The following C1orf87 variants were observed in gnomAD, a reference collection of about 807,000 sequenced individuals.
C1orf87 encodes the protein chromosome 1 open reading frame 87.
Under a neutral mutation model 60.5 loss-of-function variants are expected in C1orf87, and 58 were observed. The ratio of observed to expected loss-of-function variants is 0.96; its 90% CI spans 0.78 to 1.19. C1orf87 has a LOEUF of 1.19. C1orf87 is among the 50% of genes most tolerant of loss of function. The pLI is 0.00. For missense variants in C1orf87, 673 were observed against 638.6 expected (o/e 1.05, Z -0.58); for synonymous variants, 236 against 227.4 (o/e 1.04, Z -0.34).
intron 2 of C1orf87, among the ~76,000 whole-genome samples, chr1:60,057,541 A>G (rs1322535818): frequency 6.6e-6 from 1 of 152,174 alleles, no homozygotes; most frequent in Admixed American, 6.5e-5. Context: ...AGGAGAGGAT[A>G]TCATTGATGA....
intron 7 of C1orf87, among the ~76,000 whole-genome samples, chr1:60,027,553 T>C (rs1308528078): frequency 1.3e-5 from 2 of 152,222 alleles, no homozygotes; most frequent in Non-Finnish European, 1.5e-5. Flanking sequence ...TCTCATCTCC[T>C]GATCTGTTGG....
intron 7 of C1orf87, among the ~76,000 whole-genome samples, chr1:60,032,434 T>C (rs1439862311): frequency 7.3e-6 from 1 of 137,874 alleles, no homozygotes; most frequent in Non-Finnish European, 1.6e-5. Flanking sequence ...AGACTCAGGT[T>C]TTTTTTTTTT....
intron 8 of C1orf87, among the ~76,000 whole-genome samples, chr1:60,022,328 A>G (rs1406623442): frequency 3.9e-5 from 6 of 151,954 alleles, no homozygotes; most frequent in Admixed American, 3.9e-4. Context: ...TTGTTAAGTA[A>G]CAATAGAGGG....
intron 2 of C1orf87, among the ~76,000 whole-genome samples, chr1:60,067,748 T>A (rs1006190428): frequency 1.8e-4 from 28 of 152,108 alleles, no homozygotes; most frequent in Non-Finnish European, 3.5e-4. Flanking sequence ...TTGTCAATTT[T>A]GGCTTTTGTT....
intron 3 of C1orf87, among the ~76,000 whole-genome samples, chr1:60,047,507 A>G (rs1645381229): frequency 6.6e-6 from 1 of 152,182 alleles, no homozygotes; most frequent in Admixed American, 6.5e-5. Context: ...CAAAGGTGGA[A>G]TCAGCTCTTG....
At chr1:60,005,785 G>A (rs1477500647) in intron 9 of C1orf87, among the ~76,000 whole-genome samples, 1 of 151,182 alleles carries the variant, frequency 6.6e-6, no homozygotes, top group Non-Finnish European at 1.5e-5. Flanking sequence ...GTGTGTGTGT[G>A]TGTGTGCTTC....
At chr1:60,072,860 A>C (rs1446611565) in intron 1 of C1orf87, among the ~76,000 whole-genome samples, 190 bp from the exon 2 acceptor site, 1 of 152,222 alleles carries the variant, frequency 6.6e-6, no homozygotes, top group Non-Finnish European at 1.5e-5. Context: ...TTTACTGTTG[A>C]GGAAACAAGC....
At chr1:60,021,598 G>A (rs966993870) in intron 8 of C1orf87, among the ~76,000 whole-genome samples, 13 of 152,138 alleles carry the variant, frequency 8.5e-5, no homozygotes, top group Non-Finnish European at 2.9e-5. Flanking sequence ...TTCAGTTCAA[G>A]TCAATAAATA....
In C1orf87 at chr1:60,055,411, T is replaced by G; in HGVS notation, c.135A>C (p.Glu45Asp). ...TTGGTTTCTGGTGCATTGTTTGGGT[T>G]TCTGTTTTCAAGCTGTCATTCTCCT... ...KIKENDSLKT[E>D]TQTMHQKPMT... The change falls in exon 3 of 12, where the codon GAA (glutamate) becomes GAC (aspartate). Residue 45 changes from glutamate (E) to aspartate (D), a missense_variant. Glu to Asp is a conservative substitution (Grantham distance 45). Transcript: ENST00000371201. 1.2e-6 allele frequency: 2 copies of G among 1,614,174 alleles called. No homozygotes were observed. The highest frequency in any genetic ancestry group is 1.7e-6 in the Non-Finnish European group (2 of 1,180,014).
chr1:60,041,242 C>A, intron 3 of C1orf87, 111 bp from the exon 4 acceptor site: 2 of 981,522 alleles, frequency 2.0e-6, no homozygotes, highest in Non-Finnish European at 2.8e-6. Flanking sequence ...AAGCACATTC[C>A]CAGTTCTAAA....
chr1:60,066,103 G>T (rs1645544315), intron 2 of C1orf87, among the ~76,000 whole-genome samples: 1 of 152,104 alleles, frequency 6.6e-6, no homozygotes, highest in Non-Finnish European at 1.5e-5. Context: ...TCATCTTTTT[G>T]ATAGTGGAGG....
chr1:60,013,916 C>T (rs191989890), intron 8 of C1orf87, among the ~76,000 whole-genome samples: 23 of 152,104 alleles, frequency 1.5e-4, no homozygotes, highest in African/African-American at 5.5e-4. Flanking sequence ...TATCACATAC[C>T]CCATATTGGT....
At chr1:60,064,715 T>A (rs866710673) in intron 2 of C1orf87, among the ~76,000 whole-genome samples, 1,365 of 98,600 alleles carry the variant, frequency 0.014, 13 homozygotes, top group Middle Eastern at 0.029. Context: ...TCAATATATA[T>A]AAATATATTT....
chr1:60,041,568 T>A (rs1004414944), intron 3 of C1orf87, among the ~76,000 whole-genome samples: 6 of 152,146 alleles, frequency 3.9e-5, no homozygotes, highest in Non-Finnish European at 8.8e-5. Context: ...ACTCTAGGAG[T>A]AATGTCACTA....
intron 2 of C1orf87, among the ~76,000 whole-genome samples, chr1:60,065,005 A>AATATATATATTTAATATATATAAAT (rs377606368): frequency 2.5e-5 from 1 of 39,832 alleles, no homozygotes. Context: ...ATAAATATTA[A>AATATATATATTTAATATATATAAAT]ATATATATTA....
At chr1:60,051,717 T>A (rs186593002) in intron 3 of C1orf87, among the ~76,000 whole-genome samples, 2 of 152,200 alleles carry the variant, frequency 1.3e-5, no homozygotes, top group African/African-American at 4.8e-5. Context: ...AAAAGTCAGT[T>A]TGAAGATGAT....
At chr1:60,013,536 A>G (rs1645103896) in intron 8 of C1orf87, among the ~76,000 whole-genome samples, 1 of 152,006 alleles carries the variant, frequency 6.6e-6, no homozygotes, top group African/African-American at 2.4e-5. Flanking sequence ...AATTCATTTC[A>G]GTAGAGGACA....
At chr1:60,054,432 C>CTATTAAAAT (rs1174825401) in intron 3 of C1orf87, among the ~76,000 whole-genome samples, 8 of 152,162 alleles carry the variant, frequency 5.3e-5, no homozygotes, top group Non-Finnish European at 1.5e-5. Flanking sequence ...TTAGAAAGGG[C>CTATTAAAAT]TATTAAAATT....
intron 2 of C1orf87, among the ~76,000 whole-genome samples, chr1:60,068,099 C>T (rs576076459): frequency 3.3e-5 from 5 of 152,046 alleles, no homozygotes; most frequent in South Asian, 2.1e-4. Flanking sequence ...CCCTCTACTG[C>T]CCCCACCTTT....
Sources: gnomAD v4.1 joint callset for allele counts (sites outside exome capture counted in the v4.1 genomes callset) on GRCh38, gnomAD v4.1.1 for gene constraint, MANE v1.5 for transcripts, NCBI Gene and HGNC (gene_info 2026-07-23, HGNC 2026-07-21) for gene names.